PDZRN4: variants seen among roughly 807,000 people sequenced by gnomAD.
PDZRN4 encodes PDZ domain-containing RING finger protein 4.
Under a neutral mutation model 99.0 loss-of-function variants are expected in PDZRN4, and 70 were observed. The ratio of observed to expected loss-of-function variants is 0.71; its 90% CI spans 0.58 to 0.86. The LOEUF is 0.86. PDZRN4 is among the 40% of genes least tolerant of loss of function. PDZRN4 has a pLI of 0.00. For missense variants in PDZRN4, 1,474 were observed against 1,331.2 expected, an observed-to-expected ratio of 1.11 and a Z score of -1.67; for synonymous variants, 551 against 501.6, an observed-to-expected ratio of 1.10 and a Z score of -1.32.
At chr12:41,305,309 G>T (rs78133076) in intron 3 of PDZRN4, among the ~76,000 whole-genome samples, 72 of 152,284 alleles carry the variant, frequency 4.7e-4, no homozygotes, top group Non-Finnish European at 6.6e-4. Flanking sequence ...ACCAGAAACA[G>T]TGAGAAAACT....
intron 3 of PDZRN4, among the ~76,000 whole-genome samples, chr12:41,447,982 A>T (rs7969769): frequency 0.017 from 2,630 of 152,230 alleles, 52 homozygotes; most frequent in East Asian, 0.092. Context: ...TTTCCCTTGA[A>T]AGGGTCTATG....
In PDZRN4 at chr12:41,188,348, C is replaced by A; in HGVS notation, c.-108C>A. On this transcript the variant is annotated 5_prime_UTR_variant, in exon 1 of 10. Coordinates refer to ENST00000402685, the MANE Select transcript of PDZRN4 (RefSeq NM_001164595.2). ...ACACCTCCCACCCGCCACCTCCCTC[C>A]ACTGCCGCCGCCGCGAGACGGCTGC... is the stretch of plus-strand genomic sequence containing the variant. The A allele has an allele frequency of 9.3e-7, 1 of 1,075,298 alleles. No homozygotes were observed. The highest frequency in any genetic ancestry group is 1.3e-6 in the Non-Finnish European group (1 of 776,254). 66.6% of individuals were successfully genotyped at this position (1,075,298 alleles called of 1,614,324 possible).
At chr12:41,224,646 A>G (rs752495867) in intron 3 of PDZRN4, among the ~76,000 whole-genome samples, 5 of 152,218 alleles carry the variant, frequency 3.3e-5, no homozygotes, top group Admixed American at 6.5e-5. Context: ...TTCCAATTTT[A>G]TAGTATAGGT....
chr12:41,424,423 G>C (rs943529712), intron 3 of PDZRN4, among the ~76,000 whole-genome samples: 2 of 152,138 alleles, frequency 1.3e-5, no homozygotes, highest in Admixed American at 1.3e-4. Context: ...ATGGTGTGTA[G>C]AGAAACTTAA....
intron 3 of PDZRN4, among the ~76,000 whole-genome samples, chr12:41,473,183 T>G (rs1022391593): frequency 2.6e-5 from 4 of 152,080 alleles, no homozygotes; most frequent in Non-Finnish European, 5.9e-5. Flanking sequence ...GGTCAAAAAG[T>G]GATCACAAAT....
At chr12:41,521,920 G>A (rs1393248248) in intron 5 of PDZRN4, among the ~76,000 whole-genome samples, 4 of 151,992 alleles carry the variant, frequency 2.6e-5, no homozygotes, top group Non-Finnish European at 4.4e-5. Context: ...TATCTTATGA[G>A]AGAGGCCTAA....
intron 3 of PDZRN4, among the ~76,000 whole-genome samples, chr12:41,378,903 A>G (rs552816336): frequency 6.6e-6 from 1 of 152,306 alleles, no homozygotes; most frequent in South Asian, 2.1e-4. Flanking sequence ...TTCATCAGCG[A>G]ATACTGGGGA....
intron 3 of PDZRN4, among the ~76,000 whole-genome samples, chr12:41,199,627 T>C (rs773502121): frequency 5.7e-4 from 86 of 152,076 alleles, no homozygotes; most frequent in Non-Finnish European, 1.0e-3. Context: ...CAGTGAATGA[T>C]TGGATAAAGA....
At chr12:41,383,836 A>G (rs1237002912) in intron 3 of PDZRN4, among the ~76,000 whole-genome samples, 2 of 152,126 alleles carry the variant, frequency 1.3e-5, no homozygotes, top group African/African-American at 2.4e-5. Context: ...TATATGGGAA[A>G]ACCTTTTCAT....
At chr12:41,218,158 A>C (rs1431111) in intron 3 of PDZRN4, among the ~76,000 whole-genome samples, 3 of 151,512 alleles carry the variant, frequency 2.0e-5, no homozygotes, top group Non-Finnish European at 4.4e-5. Context: ...TCTTTCTTTC[A>C]TCTGATTTGT....
At chr12:41,522,371 G>A (rs1024617566) in intron 5 of PDZRN4, among the ~76,000 whole-genome samples, 7 of 151,912 alleles carry the variant, frequency 4.6e-5, no homozygotes, top group Admixed American at 6.6e-5. Context: ...CTTTTTTCTG[G>A]GTTAACTTGA....
At chr12:41,392,156 G>A (rs762088122) in intron 3 of PDZRN4, among the ~76,000 whole-genome samples, 1 of 152,064 alleles carries the variant, frequency 6.6e-6, no homozygotes, top group Non-Finnish European at 1.5e-5. Flanking sequence ...GCTTTGCTGT[G>A]ATAGAAGAAT....
chr12:41,370,761 T>A (rs1324910224), intron 3 of PDZRN4, among the ~76,000 whole-genome samples: 2 of 152,002 alleles, frequency 1.3e-5, no homozygotes, highest in Non-Finnish European at 2.9e-5. Flanking sequence ...CTGGATTGCC[T>A]TCTCTTTAAT....
At chr12:41,378,031 A>G (rs561805626) in intron 3 of PDZRN4, among the ~76,000 whole-genome samples, 1 of 152,298 alleles carries the variant, frequency 6.6e-6, no homozygotes, top group Non-Finnish European at 1.5e-5. Context: ...AATACAAGTG[A>G]TGAGAGTGGG....
chr12:41,356,318 T>C (rs1268594859), intron 3 of PDZRN4, among the ~76,000 whole-genome samples: 1 of 152,042 alleles, frequency 6.6e-6, no homozygotes, highest in Non-Finnish European at 1.5e-5. Context: ...AAGGGGAAGT[T>C]AAATGATTGT....
chr12:41,346,233 C>A (rs1370906407), intron 3 of PDZRN4, among the ~76,000 whole-genome samples: 1 of 152,096 alleles, frequency 6.6e-6, no homozygotes, highest in Non-Finnish European at 1.5e-5. Context: ...GAGGCCGAGG[C>A]GGGCAGATCA....
At chr12:41,212,276 T>C (rs1467540578) in intron 3 of PDZRN4, among the ~76,000 whole-genome samples, 3 of 152,064 alleles carry the variant, frequency 2.0e-5, no homozygotes, top group African/African-American at 7.2e-5. Context: ...ATATTTTACT[T>C]TCATTTGTTT....
intron 3 of PDZRN4, among the ~76,000 whole-genome samples, chr12:41,425,173 AT>A (rs1227892474): frequency 6.6e-6 from 1 of 152,192 alleles, no homozygotes; most frequent in Non-Finnish European, 1.5e-5. Flanking sequence ...AAATGATTCC[AT>A]TGATTTGTTT....
intron 3 of PDZRN4, among the ~76,000 whole-genome samples, chr12:41,413,493 T>G (rs73276105): frequency 0.018 from 2,779 of 152,176 alleles, 81 homozygotes; most frequent in African/African-American, 0.061. Flanking sequence ...CTATACTATA[T>G]AGTTTCAAAT....
Sources: allele counts gnomAD v4.1 joint callset (sites outside exome capture counted in the v4.1 genomes callset), GRCh38; gene constraint gnomAD v4.1.1; transcripts MANE v1.5; gene names NCBI Gene and HGNC (gene_info 2026-07-23, HGNC 2026-07-21).